PITPNM2: variants seen among roughly 807,000 people sequenced by gnomAD.
PITPNM2 encodes the protein phosphatidylinositol transfer protein membrane associated 2.
PITPNM2 carries 35 observed loss-of-function variants against 132.2 expected under a neutral mutation model. That is an observed-to-expected ratio of 0.26 (90% CI 0.20 to 0.35). The LOEUF is 0.35. Ranked by LOEUF, PITPNM2 falls within the 10% of genes least tolerant of loss-of-function variation. PITPNM2 has a pLI of 1.00. For synonymous variants in PITPNM2, 738 were observed against 799.2 expected, an observed-to-expected ratio of 0.92 and a Z score of 1.29; for missense variants, 1,332 against 1,912.0, an observed-to-expected ratio of 0.70 and a Z score of 5.66.
At chr12:123,001,186 G>A (rs2038655161) in intron 8 of PITPNM2, 28 bp from the exon 9 acceptor site, 7 of 1,587,370 alleles carry the variant, frequency 4.4e-6, no homozygotes, top group Non-Finnish European at 6.1e-6. Flanking sequence ...AAACTCAGGT[G>A]GGACTGGGAA....
chr12:123,004,404 G>A lies in PITPNM2; in HGVS notation c.1038C>T (p.Phe346=), dbSNP rs770294015. The change falls in exon 8 of 26, where the codon TTC becomes TTT. Residue 346 remains phenylalanine, a synonymous_variant. Transcript: ENST00000320201. This position sits in a 1 kb window ranked among gnomAD's most constrained non-coding sequence, Gnocchi z 4.9. ...DSDESSDDEF[F]DAHEDLSDTE... is the part of the protein sequence containing the mutation. ...GCGCTGCCTGCCTACCGTGCGCATC[G>A]AAGAACTCATCATCTGAGCTCTCAT... 1.9e-6 allele frequency: 3 copies of A among 1,613,696 alleles called. No homozygotes were observed. Among genetic ancestry groups the A allele is most frequent in the African/African-American group, 1.3e-5 (1 of 74,914 alleles).
chr12:123,101,328 C>T (rs2042558882), intron 2 of PITPNM2, among the ~76,000 whole-genome samples: 1 of 152,214 alleles, frequency 6.6e-6, no homozygotes, highest in Non-Finnish European at 1.5e-5. Context: ...GCCACCTCCC[C>T]ACTCCTCTCT....
chr12:123,050,635 A>C (rs57764857), intron 2 of PITPNM2, among the ~76,000 whole-genome samples: 2 of 152,160 alleles, frequency 1.3e-5, no homozygotes, highest in African/African-American at 4.8e-5. Context: ...AGGGGATGTG[A>C]GGACAGGCAC....
chr12:123,044,551 T>C (rs146684955), intron 2 of PITPNM2, among the ~76,000 whole-genome samples: 2 of 152,314 alleles, frequency 1.3e-5, no homozygotes, highest in Non-Finnish European at 2.9e-5. Flanking sequence ...CTGCTGAGAT[T>C]TTCACCTGGG....
chr12:123,118,755 G>A (rs1037875244), intron 1 of PITPNM2, among the ~76,000 whole-genome samples: 16 of 152,184 alleles, frequency 1.1e-4, no homozygotes, highest in African/African-American at 3.6e-4. Context: ...GGCTCTTAAC[G>A]GAGAGCTCCT....
upstream of PITPNM2, among the ~76,000 whole-genome samples, chr12:123,151,804 T>C (rs2043768804): frequency 1.3e-5 from 2 of 152,226 alleles, no homozygotes; most frequent in African/African-American, 4.8e-5. Context: ...TGGCAAAATC[T>C]GAAGTCATGG....
intron 1 of PITPNM2, among the ~76,000 whole-genome samples, chr12:123,131,520 G>A (rs970442808): frequency 2.0e-5 from 3 of 152,146 alleles, no homozygotes; most frequent in African/African-American, 7.2e-5. Context: ...GGTTGTTATG[G>A]CAGCCCTAGG....
chr12:123,134,519 G>A lies in PITPNM2; in HGVS notation c.-200+16234C>T, dbSNP rs567138517. Among the ~76,000 whole-genome samples, 9 of 152,208 alleles carry A rather than the reference G, an allele frequency of 5.9e-5. No individual in the cohort carries two copies. The South Asian group carries it at 1.0e-3, about 18-fold the overall frequency. ...GCCAGGAAGCCCTCCAGGCACAACC[G>A]TTCTTGCACACACAAATGCCTCCTT... is the stretch of plus-strand genomic sequence containing the variant. On this transcript the variant is annotated intron_variant, in intron 1 of 25. Coordinates refer to ENST00000320201, the MANE Select transcript of PITPNM2 (RefSeq NM_020845.3).
intron 4 of PITPNM2, among the ~76,000 whole-genome samples, chr12:123,013,119 GA>G (rs2136255838): frequency 6.6e-6 from 1 of 152,326 alleles, no homozygotes; most frequent in East Asian, 1.9e-4. Flanking sequence ...GACAATGGGG[GA>G]ATAGCCTCTC....
At chr12:122,990,015 G>A in intron 17 of PITPNM2, 67 bp from the exon 18 acceptor site, 1 of 1,211,176 alleles carries the variant, frequency 8.3e-7, no homozygotes. Context: ...TCTACCAGGG[G>A]CCAGGCAGGA....
intron 3 of PITPNM2, among the ~76,000 whole-genome samples, chr12:123,028,983 GAA>G (rs2136399839): frequency 6.6e-6 from 1 of 152,292 alleles, no homozygotes; most frequent in East Asian, 1.9e-4. Context: ...GGGGTGGCCT[GAA>G]CCTCTCCCCT....
intron 13 of PITPNM2, 117 bp downstream of exon 13, chr12:122,996,341 G>T: frequency 7.2e-7 from 1 of 1,380,848 alleles, no homozygotes; most frequent in Non-Finnish European, 9.8e-7. Flanking sequence ...AGTGCTGCCA[G>T]CATTCTGCTT....
chr12:123,040,093 G>A (rs180746853), intron 2 of PITPNM2, among the ~76,000 whole-genome samples: 1 of 152,266 alleles, frequency 6.6e-6, no homozygotes, highest in East Asian at 1.9e-4. Flanking sequence ...TCGTGCCACT[G>A]CACTCCAGCC....
Position 123,141,560 on chromosome 12 carries a change from C to T in PITPNM2, c.-200+9193G>A, listed in dbSNP as rs1184470135. ...GCTTCCCTGGAGAAAGAAGAGCAGC[C>T]GTCTCCTGGAGAGGGAAGAGCAGCC... On this transcript the variant is annotated intron_variant, in intron 1 of 25. Transcript: ENST00000320201. 4.6e-5 allele frequency among the ~76,000 whole-genome samples: 7 copies of T among 152,156 alleles called. 1 individual carries two copies. The East Asian group carries it at 1.2e-3, about 25-fold the overall frequency.
intron 3 of PITPNM2, among the ~76,000 whole-genome samples, chr12:123,017,576 C>T (rs1308581772): frequency 6.6e-6 from 1 of 152,172 alleles, no homozygotes; most frequent in Non-Finnish European, 1.5e-5. Flanking sequence ...ATGTTCATTG[C>T]AGTATTATTC....
In PITPNM2 at chr12:123,001,144, T is replaced by A. The variant is rs1566239484; in HGVS notation, c.1063A>T (p.Thr355Ser). 1.2e-6 allele frequency: 2 copies of A among 1,614,044 alleles called. No individual in the cohort carries two copies. Among genetic ancestry groups the A allele is most frequent in the Non-Finnish European group, 1.7e-6 (2 of 1,179,918 alleles). ...ATGTCCTTGGGGAACATTTCCTCTG[T>A]GTCGGACAGGTCCTCTGGAGAGGAG... ...FFDAHEDLSD[T>S]EEMFPKDITK... Residue 355 changes from threonine (T) to serine (S), a missense_variant, in exon 9 of 26, where the codon ACA becomes TCA. Physicochemically the swap from Thr to Ser is moderately conservative, Grantham distance 58. Coordinates refer to ENST00000320201, the MANE Select transcript of PITPNM2 (RefSeq NM_020845.3).
rs534254102 is a variant in PITPNM2, at chr12:122,986,009, C to T, written c.*18G>A. On this transcript the variant is annotated 3_prime_UTR_variant, in exon 26 of 26. Coordinates refer to ENST00000320201, the MANE Select transcript of PITPNM2 (RefSeq NM_020845.3). Reference sequence around the variant, plus strand: ...CTGGCCTAGCACCATGGAGACCCCGCGCTGCACTCACGGTGCCCTACTTGG... The same window carrying T: ...CTGGCCTAGCACCATGGAGACCCCGTGCTGCACTCACGGTGCCCTACTTGG... The T allele has an allele frequency of 1.3e-5, 18 of 1,390,624 alleles. No individual in the cohort carries two copies. The East Asian group carries it at 1.5e-4, about 11-fold the overall frequency. The allele number at this position is 1,390,624 out of a possible 1,614,324, so 86.1% of individuals were successfully genotyped here.
chr12:122,986,118 C>G lies in PITPNM2; in HGVS notation c.3959G>C (p.Arg1320Pro), dbSNP rs1017607614. 5 of 1,502,400 alleles carry G rather than the reference C, an allele frequency of 3.3e-6. No homozygotes were observed. The South Asian group carries it at 5.0e-5, about 15-fold the overall frequency. The allele number at this position is 1,502,400 out of a possible 1,614,324, so 93.1% of individuals were successfully genotyped here. Residue 1320 changes from arginine (R) to proline (P), a missense_variant, in exon 26 of 26, where the codon CGG becomes CCG. By Grantham distance (103) the Arg-to-Pro change is moderately radical (BLOSUM62 -2). Transcript: ENST00000320201. ...RTQSQADGEQRGQRSMSVAAG... is the reference protein window; with the variant it reads ...RTQSQADGEQPGQRSMSVAAG... Reference sequence around the variant, plus strand: ...CGCCACACTCATGCTGCGCTGGCCCCGCTGCTCGCCATCCGCCTGGCTCTG... The same window carrying G: ...CGCCACACTCATGCTGCGCTGGCCCGGCTGCTCGCCATCCGCCTGGCTCTG...
At chr12:123,028,162 G>A (rs902747426) in intron 3 of PITPNM2, among the ~76,000 whole-genome samples, 5 of 152,170 alleles carry the variant, frequency 3.3e-5, no homozygotes, top group African/African-American at 9.7e-5. Flanking sequence ...GGCCACCTCC[G>A]GCCACTCCCT....
Sources: gnomAD v4.1 joint callset for allele counts (sites outside exome capture counted in the v4.1 genomes callset) on GRCh38, gnomAD v4.1.1 for gene constraint, Gnocchi (gnomAD v3.1) non-coding constraint, MANE v1.5 for transcripts, NCBI Gene and HGNC (gene_info 2026-07-23, HGNC 2026-07-21) for gene names.